The following FTO variants were observed in gnomAD, a reference collection of about 807,000 sequenced individuals.
FTO encodes alpha-ketoglutarate-dependent dioxygenase FTO.
In FTO, 47 loss-of-function variants were observed where a neutral mutation model predicts 63.9. The ratio of observed to expected loss-of-function variants is 0.74; its 90% CI spans 0.58 to 0.94. The LOEUF is 0.94. FTO is among the 40% of genes least tolerant of loss of function. FTO has a pLI of 0.00. For missense variants in FTO, 562 were observed against 618.1 expected (o/e 0.91, Z 0.96); for synonymous variants, 207 against 224.4 (o/e 0.92, Z 0.69).
intron 1 of FTO, among the ~76,000 whole-genome samples, chr16:53,777,563 G>C (rs894799460): frequency 6.6e-6 from 1 of 151,984 alleles, no homozygotes; most frequent in African/African-American, 2.4e-5. Flanking sequence ...GTAACATTAC[G>C]TTTTGATCAT....
intron 8 of FTO, among the ~76,000 whole-genome samples, chr16:54,080,792 A>C (rs528957403): frequency 6.6e-6 from 1 of 151,050 alleles, no homozygotes; most frequent in South Asian, 2.1e-4. Flanking sequence ...GGACTGACTC[A>C]TGTGCAGTTT....
At position 53,874,183 on chromosome 16, in the gene FTO, T is replaced by C. The variant is rs796865030; in HGVS notation, c.975+318T>C. 3.9e-5 allele frequency among the ~76,000 whole-genome samples: 6 copies of C among 152,352 alleles called. No homozygotes were observed. The East Asian group carries it at 7.7e-4, about 20-fold the overall frequency. ...ATCTGTCAAGGTCAAGGGCAGGAGA[T>C]GACCAGAAGAATTGGGGCAGATTTT... On this transcript the variant is annotated intron_variant, in intron 5 of 8. Coordinates refer to ENST00000471389, the MANE Select transcript of FTO (RefSeq NM_001080432.3).
chr16:54,097,053 C>T (rs1416151278), intron 8 of FTO, among the ~76,000 whole-genome samples: 1 of 152,134 alleles, frequency 6.6e-6, no homozygotes, highest in Non-Finnish European at 1.5e-5. Context: ...CTTTGCTGCC[C>T]TAGTAGTGAG....
chr16:53,780,248 A>G (rs1379131552), intron 1 of FTO, among the ~76,000 whole-genome samples: 4 of 151,992 alleles, frequency 2.6e-5, no homozygotes, highest in African/African-American at 9.7e-5. Flanking sequence ...CCTGGAAGCC[A>G]CCAGACTGGT....
intron 8 of FTO, chr16:53,979,519 T>C: frequency 2.5e-6 from 1 of 395,314 alleles, no homozygotes; most frequent in Non-Finnish European, 4.4e-6. Flanking sequence ...TGATTGGATC[T>C]TTTTTATGTT....
intron 1 of FTO, among the ~76,000 whole-genome samples, chr16:53,776,300 G>A (rs779295466): frequency 3.3e-5 from 5 of 152,174 alleles, no homozygotes; most frequent in Non-Finnish European, 7.4e-5. Flanking sequence ...TCTTGCCAGC[G>A]AGGAGGAGGA....
At chr16:53,730,876 G>T (rs1030357876) in intron 1 of FTO, among the ~76,000 whole-genome samples, 46 of 152,192 alleles carry the variant, frequency 3.0e-4, no homozygotes, top group African/African-American at 1.0e-3. Flanking sequence ...TTCCTCTATT[G>T]TTGACCAATT....
At position 54,116,683 on chromosome 16, in the gene FTO, A is replaced by C. The variant is rs1418488991; in HGVS notation, c.*4768A>C. 1.3e-5 allele frequency: 2 copies of C among 152,048 alleles called. No individual in the cohort carries two copies. Among genetic ancestry groups the C allele is most frequent in the African/African-American group, 4.8e-5 (2 of 41,384 alleles). The allele number at this position is 152,048 out of a possible 1,614,324, so 9.4% of individuals were successfully genotyped here. A position where few individuals can be genotyped will look rare whatever the true frequency, so the allele number is the denominator to read the frequency against. On this transcript the variant is annotated 3_prime_UTR_variant, in exon 9 of 9. Transcript: ENST00000471389. ...AAGACAGCAAGGGCACCCCTGGGCC[A>C]CTGCTGTGTTTGGGAGGCAGGTTTT... is the stretch of plus-strand genomic sequence containing the variant.
At chr16:53,999,158 T>C (rs1336067081) in intron 8 of FTO, among the ~76,000 whole-genome samples, 7 of 152,194 alleles carry the variant, frequency 4.6e-5, no homozygotes, top group African/African-American at 1.7e-4. Flanking sequence ...GGAATGCTGA[T>C]GCTTACTGAA....
In FTO at chr16:53,780,283, C is replaced by T. The variant is rs75390518; in HGVS notation, c.46-29857C>T. 7.0e-3 allele frequency among the ~76,000 whole-genome samples: 1,064 copies of T among 152,134 alleles called. 15 individuals carry two copies. The highest frequency in any genetic ancestry group is 0.024 in the African/African-American group (1,002 of 41,502). ...TTCTTCCTTAGGGCCTTTGTACCAG[C>T]TGTTCTTCCTGCTTGGGACACTCTC... is the stretch of plus-strand genomic sequence containing the variant. On this transcript the variant is annotated intron_variant, in intron 1 of 8. Coordinates refer to ENST00000471389, the MANE Select transcript of FTO (RefSeq NM_001080432.3).
At chr16:53,888,782 T>C in intron 6 of FTO, 50 bp from the exon 7 acceptor site, 1 of 1,606,724 alleles carries the variant, frequency 6.2e-7, no homozygotes, top group Non-Finnish European at 8.5e-7. Flanking sequence ...TGTCCTCGCT[T>C]GTCTATCACA....
intron 8 of FTO, among the ~76,000 whole-genome samples, chr16:54,028,939 A>G (rs1453081671): frequency 6.6e-6 from 1 of 152,172 alleles, no homozygotes; most frequent in Admixed American, 6.5e-5. Context: ...ATTTATCATA[A>G]TCTTGTCATC....
chr16:53,985,799 C>T (rs1324411282), intron 8 of FTO, among the ~76,000 whole-genome samples: 8 of 152,172 alleles, frequency 5.3e-5, no homozygotes, highest in African/African-American at 1.9e-4. Flanking sequence ...AAGCTAGGAG[C>T]TAATCATATT....
At chr16:53,972,338 A>G (rs540608124) in intron 8 of FTO, among the ~76,000 whole-genome samples, 11 of 152,104 alleles carry the variant, frequency 7.2e-5, no homozygotes, top group Non-Finnish European at 1.5e-4. Flanking sequence ...GATATTGGAA[A>G]TACTTGTCCA....
Position 53,899,733 on chromosome 16 carries a change from T to C in FTO, c.1239+10782T>C, listed in dbSNP as rs115772543. 8.4e-3 allele frequency among the ~76,000 whole-genome samples: 1,283 copies of C among 152,238 alleles called. 17 individuals are homozygous for C. Among genetic ancestry groups the C allele is most frequent in the African/African-American group, 0.028 (1,164 of 41,528 alleles). Reference sequence around the variant, plus strand: ...ACCAAGAAATGCCTTGTGATGTGGATTGAGCTTTTCCTTTGGGGGACGGGA... The same window carrying C: ...ACCAAGAAATGCCTTGTGATGTGGACTGAGCTTTTCCTTTGGGGGACGGGA... On this transcript the variant is annotated intron_variant, in intron 7 of 8. Transcript: ENST00000471389.
intron 1 of FTO, among the ~76,000 whole-genome samples, chr16:53,730,250 A>G (rs1175223767): frequency 1.3e-5 from 2 of 152,182 alleles, no homozygotes; most frequent in African/African-American, 4.8e-5. Flanking sequence ...TATATATACT[A>G]ACTTCCCAAG....
At chr16:53,820,594 G>C (rs1043131672) in intron 2 of FTO, among the ~76,000 whole-genome samples, 5 of 151,580 alleles carry the variant, frequency 3.3e-5, no homozygotes, top group Non-Finnish European at 5.9e-5. Flanking sequence ...TCATCATCTA[G>C]CTTTAGGTAT....
intron 1 of FTO, among the ~76,000 whole-genome samples, chr16:53,732,745 T>G (rs1030274899): frequency 6.0e-5 from 9 of 151,116 alleles, no homozygotes; most frequent in African/African-American, 1.9e-4. Context: ...AGGAGGGGGG[T>G]GGTGGAAAGG....
chr16:53,922,811 C>T (rs1271695436), intron 7 of FTO, among the ~76,000 whole-genome samples: 1 of 152,266 alleles, frequency 6.6e-6, no homozygotes, highest in East Asian at 1.9e-4. Flanking sequence ...TTTCCAACAT[C>T]GAATGGATTC....
Sources: allele counts gnomAD v4.1 joint callset (sites outside exome capture counted in the v4.1 genomes callset), GRCh38; gene constraint gnomAD v4.1.1; transcripts MANE v1.5; gene names NCBI Gene and HGNC (gene_info 2026-07-23, HGNC 2026-07-21).